TMEM212: variants seen among roughly 807,000 people sequenced by gnomAD.
The protein encoded by TMEM212 is transmembrane protein 212.
In TMEM212, 23 loss-of-function variants were observed where a neutral mutation model predicts 20.5. That is an observed-to-expected ratio of 1.12 (90% confidence interval 0.81 to 1.59). The LOEUF (loss-of-function observed/expected upper bound fraction) is 1.59. Among genes scored for constraint, TMEM212 ranks in the 40% most tolerant of loss-of-function variants. The pLI, the probability that TMEM212 is intolerant of heterozygous loss-of-function variation, is 0.00. For missense variants in TMEM212, 211 were observed against 215.0 expected, an observed-to-expected ratio of 0.98 and a Z score of 0.12; for synonymous variants, 76 against 81.6, an observed-to-expected ratio of 0.93 and a Z score of 0.37.
chr3:171,853,743 CT>C lies in TMEM212; in HGVS notation c.437del (p.Leu146ArgfsTer6). ...VDPPHYEEYH[L>X]TLQALDLCLS... The stretch of plus-strand genomic sequence containing the variant: ...CCCACCACACTACGAAGAGTACCAC[CT>C]GACACTTCAAGCCCTAGACCTGTGC... On this transcript the variant is annotated frameshift_variant, in exon 3 of 5. Transcript: ENST00000334567. LOFTEE classifies it high-confidence loss of function. 6.5e-7 allele frequency: 1 copy of C among 1,537,448 alleles called. No individual in the cohort carries two copies.
intron 1 of TMEM212, among the ~76,000 whole-genome samples, chr3:171,845,120 G>C (rs1287307775): frequency 1.3e-5 from 2 of 152,064 alleles, no homozygotes; most frequent in African/African-American, 4.8e-5. Context: ...TTCATTCAAA[G>C]AAATATTTGT....
At chr3:171,856,288 C>T (rs1725115340) in intron 3 of TMEM212, among the ~76,000 whole-genome samples, 1 of 152,184 alleles carries the variant, frequency 6.6e-6, no homozygotes, top group African/African-American at 2.4e-5. Context: ...GCAAGACTCA[C>T]AGCTCACTAC....
chr3:171,843,831 T>C (rs529811740), intron 1 of TMEM212, among the ~76,000 whole-genome samples: 2 of 152,166 alleles, frequency 1.3e-5, no homozygotes, highest in South Asian at 4.1e-4. Flanking sequence ...TAACTTGATA[T>C]GCTAAGAAAT....
chr3:171,853,466 C>A, intron 2 of TMEM212, 61 bp from the exon 3 acceptor site: 2 of 1,408,148 alleles, frequency 1.4e-6, no homozygotes, highest in Non-Finnish European at 1.9e-6. Context: ...CTTCATATTG[C>A]TAAGAAGCCT....
intron 4 of TMEM212, chr3:171,857,123 G>A: frequency 6.5e-6 from 1 of 154,080 alleles, no homozygotes; most frequent in Non-Finnish European, 1.4e-5. Context: ...CACTTGATGG[G>A]GCATTTACTG....
intron 2 of TMEM212, among the ~76,000 whole-genome samples, chr3:171,853,252 T>C (rs533523779): frequency 6.6e-6 from 1 of 151,572 alleles, no homozygotes; most frequent in Non-Finnish European, 1.5e-5. Flanking sequence ...GTGCAGCAAA[T>C]CGCTGTGGCA....
chr3:171,854,782 C>T (rs1725072840), intron 3 of TMEM212, among the ~76,000 whole-genome samples: 1 of 152,120 alleles, frequency 6.6e-6, no homozygotes, highest in African/African-American at 2.4e-5. Context: ...AAGGCACTAG[C>T]ATAAAAACAG....
At chr3:171,853,323 GAA>G (rs201293595) in intron 2 of TMEM212, among the ~76,000 whole-genome samples, 4 of 110,726 alleles carry the variant, frequency 3.6e-5, no homozygotes, top group Admixed American at 8.8e-5. Flanking sequence ...CTTAAAAAGT[GAA>G]AAAAAAAAAA....
chr3:171,855,431 G>A (rs961099886), intron 3 of TMEM212, among the ~76,000 whole-genome samples: 10 of 152,020 alleles, frequency 6.6e-5, no homozygotes, highest in African/African-American at 1.5e-4. Context: ...TGGCCAGCAC[G>A]GTGAAACCCC....
chr3:171,849,603 C>T (rs1217243835), intron 1 of TMEM212, among the ~76,000 whole-genome samples: 1 of 152,174 alleles, frequency 6.6e-6, no homozygotes, highest in Admixed American at 6.5e-5. Context: ...CAGCACAGTA[C>T]CTAGCACATT....
intron 2 of TMEM212, among the ~76,000 whole-genome samples, chr3:171,852,509 T>C (rs765917760): frequency 6.6e-6 from 1 of 152,208 alleles, no homozygotes; most frequent in Non-Finnish European, 1.5e-5. Flanking sequence ...CCCTGAATAA[T>C]TTTTATCTGA....
chr3:171,846,623 T>C (rs933558071), intron 1 of TMEM212, among the ~76,000 whole-genome samples: 3 of 152,212 alleles, frequency 2.0e-5, no homozygotes, highest in Admixed American at 1.3e-4. Flanking sequence ...TCTTATACAG[T>C]TGAATACCAA....
chr3:171,852,076 G>A, intron 2 of TMEM212, 35 bp downstream of exon 2: 2 of 1,472,652 alleles, frequency 1.4e-6, no homozygotes, highest in Non-Finnish European at 1.8e-6. Flanking sequence ...ATGGTAGAGA[G>A]GCTTTGAAGG....
Position 171,849,898 on chromosome 3 carries a change from AGGCGAGTGCAGGATGGG to A in TMEM212, c.160-2080_160-2064del, listed in dbSNP as rs1248904836. 7.2e-5 allele frequency among the ~76,000 whole-genome samples: 11 copies of A among 152,188 alleles called. 1 individual carries two copies. The South Asian group carries it at 1.2e-3, about 17-fold the overall frequency. ...GCAGCATGTCAAGGAGAGCTGAGGGAGGCGAGTGCAGGATGGGGGCCCTCTCTTCTTTCCCCACTCAC... is the reference window on the plus strand; with the variant it reads ...GCAGCATGTCAAGGAGAGCTGAGGGAGGCCCTCTCTTCTTTCCCCACTCAC... On this transcript the variant is annotated intron_variant, in intron 1 of 4. Coordinates refer to ENST00000334567, the MANE Select transcript of TMEM212 (RefSeq NM_001164436.2).
At chr3:171,848,900 C>T (rs1724903052) in intron 1 of TMEM212, among the ~76,000 whole-genome samples, 2 of 151,604 alleles carry the variant, frequency 1.3e-5, no homozygotes. Context: ...ATCTAGTGTG[C>T]ACACAACTGG....
At chr3:171,848,686 T>A (rs1724897538) in intron 1 of TMEM212, among the ~76,000 whole-genome samples, 1 of 147,000 alleles carries the variant, frequency 6.8e-6, no homozygotes, top group Non-Finnish European at 1.5e-5. Flanking sequence ...ATGCACCACA[T>A]TTTTTATATC....
At chr3:171,846,099 T>C (rs528584953) in intron 1 of TMEM212, among the ~76,000 whole-genome samples, 2 of 152,176 alleles carry the variant, frequency 1.3e-5, no homozygotes, top group Admixed American at 6.5e-5. Flanking sequence ...ACTCTTCCCT[T>C]AGGTCACTTC....
At chr3:171,845,265 T>C (rs1724806171) in intron 1 of TMEM212, among the ~76,000 whole-genome samples, 1 of 152,226 alleles carries the variant, frequency 6.6e-6, no homozygotes, top group Non-Finnish European at 1.5e-5. Flanking sequence ...TACATTCTTC[T>C]CTCTAGATAA....
intron 3 of TMEM212, among the ~76,000 whole-genome samples, chr3:171,855,674 A>G (rs925845325): frequency 1.3e-5 from 2 of 152,164 alleles, no homozygotes; most frequent in Non-Finnish European, 2.9e-5. Flanking sequence ...CATGCAGAAT[A>G]AAAGTGCCCA....
Sources: allele counts gnomAD v4.1 joint callset (sites outside exome capture counted in the v4.1 genomes callset), GRCh38; gene constraint gnomAD v4.1.1; transcripts MANE v1.5; gene names NCBI Gene and HGNC (gene_info 2026-07-23, HGNC 2026-07-21).